The following NCEH1 variants were observed in gnomAD, a reference collection of about 807,000 sequenced individuals.
The protein encoded by NCEH1 is neutral cholesterol ester hydrolase 1.
In NCEH1, 9 loss-of-function variants were observed where a neutral mutation model predicts 25.4. That is an observed-to-expected ratio of 0.35 (90% CI 0.21 to 0.62). The LOEUF (loss-of-function observed/expected upper bound fraction) is 0.62. Ranked by LOEUF, NCEH1 falls within the 20% of genes least tolerant of loss-of-function variation. NCEH1 has a pLI of 0.72. For synonymous variants in NCEH1, 200 were observed against 199.8 expected (o/e 1.00, Z -0.01); for missense variants, 412 against 501.1 (o/e 0.82, Z 1.70).
At chr3:172,663,453 G>C (rs764125365) in intron 1 of NCEH1, among the ~76,000 whole-genome samples, 1 of 152,194 alleles carries the variant, frequency 6.6e-6, no homozygotes, top group Non-Finnish European at 1.5e-5. Flanking sequence ...TTGGGATGGA[G>C]AGTTCTGTAG....
At chr3:172,648,914 C>T (rs752516478) in intron 1 of NCEH1, among the ~76,000 whole-genome samples, 1 of 152,208 alleles carries the variant, frequency 6.6e-6, no homozygotes, top group East Asian at 1.9e-4. Context: ...GAGTTTATAT[C>T]CTTCTCTCCA....
At chr3:172,638,356 T>C (rs1560178513) in intron 3 of NCEH1, among the ~76,000 whole-genome samples, 1 of 151,804 alleles carries the variant, frequency 6.6e-6, no homozygotes. Flanking sequence ...TCTAATTTCT[T>C]ATTTTTCCAT....
chr3:172,635,896 C>T lies in NCEH1; in HGVS notation c.609+20G>A, dbSNP rs779002160. The T allele has an allele frequency of 1.9e-6, 3 of 1,613,258 alleles. No individual in the cohort carries two copies. The South Asian group carries it at 3.3e-5, about 18-fold the overall frequency. On this transcript the variant is annotated intron_variant, in intron 4 of 4. Coordinates refer to ENST00000475381, the MANE Select transcript of NCEH1 (RefSeq NM_020792.6). ...TCATGCACCGCTTAACCCACCAGCA[C>T]CTTAGGACAGTGGTGTTACCTGTTG...
At chr3:172,701,627 T>G (rs1039442230) in intron 1 of NCEH1, among the ~76,000 whole-genome samples, 10 of 147,796 alleles carry the variant, frequency 6.8e-5, no homozygotes, top group Non-Finnish European at 1.5e-4. Flanking sequence ...TTTTTTTTTT[T>G]TTTTTTTTTT....
intron 1 of NCEH1, among the ~76,000 whole-genome samples, chr3:172,677,296 G>A (rs2108517460): frequency 6.6e-6 from 1 of 152,198 alleles, no homozygotes; most frequent in Non-Finnish European, 1.5e-5. Context: ...TGTCTTAAAT[G>A]GCACATAAAC....
chr3:172,662,503 C>T (rs1718016133), intron 1 of NCEH1, among the ~76,000 whole-genome samples: 1 of 152,182 alleles, frequency 6.6e-6, no homozygotes, highest in South Asian at 2.1e-4. Flanking sequence ...GGAGGATTCC[C>T]TCTTTTTCTA....
At chr3:172,681,138 AG>A (rs1241907407) in intron 1 of NCEH1, 1 of 152,130 alleles carries the variant, frequency 6.6e-6, no homozygotes, top group Non-Finnish European at 1.5e-5. Flanking sequence ...AAGGAGGGGC[AG>A]GAAGAAGGGG....
In NCEH1 at chr3:172,633,896, T is replaced by A. The variant is rs1223474028; in HGVS notation, c.806A>T (p.Asn269Ile). Residue 269 changes from asparagine to isoleucine, a missense_variant, in exon 5 of 5, where the codon AAC (asparagine) becomes ATC (isoleucine). Around this residue, in one of 3 missense-constraint regions of NCEH1, gnomAD observed 210 missense variants for 258.2 expected, o/e 0.81. Transcript: ENST00000475381. ...TTCCACATCAAGTGAAGTGTGATTGTTAACGATCATTGCCTGCACAAAGTC... is the reference window on the plus strand; with the variant it reads ...TTCCACATCAAGTGAAGTGTGATTGATAACGATCATTGCCTGCACAAAGTC... ...NYDFVQAMIV[N>I]NHTSLDVEEA... 31 of 1,614,120 alleles carry A rather than the reference T, an allele frequency of 1.9e-5. No homozygotes were observed. Among genetic ancestry groups the A allele is most frequent in the African/African-American group, 2.7e-5 (2 of 74,938 alleles).
At chr3:172,702,403 G>T (rs896143442) in intron 1 of NCEH1, among the ~76,000 whole-genome samples, 13 of 152,106 alleles carry the variant, frequency 8.5e-5, no homozygotes, top group African/African-American at 2.4e-4. Context: ...TCTTTCCAAG[G>T]CTCTTGCAGC....
chr3:172,644,494 C>A (rs1393981250), intron 3 of NCEH1, among the ~76,000 whole-genome samples: 1 of 152,162 alleles, frequency 6.6e-6, no homozygotes, highest in African/African-American at 2.4e-5. Context: ...ATTATAAGCT[C>A]CCTTCAATAG....
chr3:172,707,849 G>C (rs1384414730), intron 1 of NCEH1, among the ~76,000 whole-genome samples: 1 of 152,258 alleles, frequency 6.6e-6, no homozygotes, highest in African/African-American at 2.4e-5. Flanking sequence ...GCCTCCCAAA[G>C]TGCTGGGATT....
At chr3:172,688,191 G>A (rs183563960) in intron 1 of NCEH1, among the ~76,000 whole-genome samples, 46 of 151,898 alleles carry the variant, frequency 3.0e-4, no homozygotes, top group African/African-American at 8.9e-4. Context: ...AAAAATTAGC[G>A]TGGTGGTGGG....
chr3:172,632,913 T>G lies in NCEH1; in HGVS notation c.*562A>C, dbSNP rs1368440403. 1 of 152,826 alleles carries G rather than the reference T, an allele frequency of 6.5e-6. No homozygotes were observed. Among genetic ancestry groups the G allele is most frequent in the Non-Finnish European group, 1.5e-5 (1 of 68,202 alleles). 9.5% of individuals were successfully genotyped at this position (152,826 alleles called of 1,614,324 possible). On this transcript the variant is annotated 3_prime_UTR_variant, in exon 5 of 5. Coordinates refer to ENST00000475381, the MANE Select transcript of NCEH1 (RefSeq NM_020792.6). ...TGAACATTCTAGAGGAAGAAAGTCC[T>G]TTGAGAAACTTGTTCTTTCCAGAAA...
chr3:172,660,162 T>G (rs1230770814), intron 1 of NCEH1, among the ~76,000 whole-genome samples: 1 of 134,620 alleles, frequency 7.4e-6, no homozygotes, highest in Non-Finnish European at 1.6e-5. Flanking sequence ...TGTGTGATGC[T>G]CCCCACCCTG....
intron 1 of NCEH1, among the ~76,000 whole-genome samples, chr3:172,673,028 G>A (rs73173340): frequency 0.01 from 1,585 of 152,256 alleles, 11 homozygotes; most frequent in Non-Finnish European, 0.012. Flanking sequence ...AGGAGCCCCA[G>A]GTGATACTGG....
At chr3:172,707,800 ATGGTCTTGATCTCCTGACCTCG>A (rs984401775) in intron 1 of NCEH1, among the ~76,000 whole-genome samples, 2 of 152,048 alleles carry the variant, frequency 1.3e-5, no homozygotes, top group African/African-American at 2.4e-5. Flanking sequence ...ATTAGCCAGG[ATGGTCTTGATCTCCTGACCTCG>A]TGATCCGCCC....
chr3:172,699,229 G>A (rs1223256494), intron 1 of NCEH1, among the ~76,000 whole-genome samples: 1 of 152,166 alleles, frequency 6.6e-6, no homozygotes, highest in Non-Finnish European at 1.5e-5. Flanking sequence ...AAGGGTGGGA[G>A]GGCATCTGGG....
chr3:172,688,565 T>A (rs16846070), intron 1 of NCEH1, among the ~76,000 whole-genome samples: 12,483 of 152,034 alleles, frequency 0.082, 1,603 homozygotes, highest in African/African-American at 0.27. Context: ...CATTACTGGG[T>A]TGGAGTTAGA....
chr3:172,670,606 C>T (rs909060887), intron 1 of NCEH1, among the ~76,000 whole-genome samples: 1 of 152,166 alleles, frequency 6.6e-6, no homozygotes, highest in Non-Finnish European at 1.5e-5. Flanking sequence ...TCTTGCTTAA[C>T]ATGCAAATGA....
Sources: gnomAD v4.1 joint callset for allele counts (sites outside exome capture counted in the v4.1 genomes callset) on GRCh38, gnomAD v4.1.1 for gene constraint, gnomAD v4.1.1 regional missense constraint, MANE v1.5 for transcripts, NCBI Gene and HGNC (gene_info 2026-07-23, HGNC 2026-07-21) for gene names.